GOLM2: variants seen among roughly 807,000 people sequenced by gnomAD.
The protein encoded by GOLM2 is golgi membrane protein 2.
A neutral mutation model predicts 55.9 loss-of-function variants in GOLM2; 26 were observed. The observed-to-expected ratio is 0.47, with a 90% confidence interval of 0.34 to 0.65. The LOEUF (loss-of-function observed/expected upper bound fraction) is 0.65. Among genes scored for constraint, GOLM2 ranks in the 30% least tolerant of loss-of-function variants. The pLI is 0.01. For synonymous variants in GOLM2, 165 were observed against 194.6 expected, an observed-to-expected ratio of 0.85 and a Z score of 1.27; for missense variants, 486 against 531.8, an observed-to-expected ratio of 0.91 and a Z score of 0.85.
At chr15:44,292,201 ATT>A (rs201767979) in intron 1 of GOLM2, among the ~76,000 whole-genome samples, 1,863 of 119,962 alleles carry the variant, frequency 0.016, 35 homozygotes, top group East Asian at 0.077. Flanking sequence ...ATATATATAT[ATT>A]TTTTTTTTTT....
At chr15:44,322,345 C>T (rs2078956319) in intron 1 of GOLM2, among the ~76,000 whole-genome samples, 2 of 152,112 alleles carry the variant, frequency 1.3e-5, no homozygotes, top group Non-Finnish European at 2.9e-5. Flanking sequence ...GCAGCCTGGG[C>T]GACAGAGTGA....
At chr15:44,399,538 CACCTAAAA>C (rs2079551229) in intron 8 of GOLM2, among the ~76,000 whole-genome samples, 1 of 152,094 alleles carries the variant, frequency 6.6e-6, no homozygotes, top group African/African-American at 2.4e-5. Context: ...GATCATCAAA[CACCTAAAA>C]AAAGGAAATT....
chr15:44,389,359 G>C (rs1028957248), intron 8 of GOLM2, among the ~76,000 whole-genome samples: 1 of 151,962 alleles, frequency 6.6e-6, no homozygotes, highest in South Asian at 2.1e-4. Flanking sequence ...GCAGAACCCT[G>C]TCTCTACTGA....
At chr15:44,325,288 A>G (rs2078973965) in intron 2 of GOLM2, among the ~76,000 whole-genome samples, 1 of 152,238 alleles carries the variant, frequency 6.6e-6, no homozygotes, top group South Asian at 2.1e-4. Flanking sequence ...GTATTCAAAT[A>G]GGAAATAATC....
chr15:44,393,264 T>C lies in GOLM2; in HGVS notation c.1073-9623T>C, dbSNP rs2079503726. ...TTTAAAAAGAAACTTTTTAATAGCA[T>C]AAAAAGACATCAGATACCTTGAAAA... On this transcript the variant is annotated intron_variant, in intron 8 of 9. Transcript: ENST00000299957. 2.0e-5 allele frequency among the ~76,000 whole-genome samples: 3 copies of C among 152,134 alleles called. No individual in the cohort carries two copies. The South Asian group carries it at 6.2e-4, about 31-fold the overall frequency.
chr15:44,295,452 C>T (rs2078749976), intron 1 of GOLM2, among the ~76,000 whole-genome samples: 1 of 152,202 alleles, frequency 6.6e-6, no homozygotes, highest in South Asian at 2.1e-4. Flanking sequence ...ACAACCCCCA[C>T]TTCTCTGAGA....
intron 6 of GOLM2, among the ~76,000 whole-genome samples, chr15:44,366,089 A>G (rs2079281685): frequency 6.6e-6 from 1 of 151,720 alleles, no homozygotes; most frequent in South Asian, 2.1e-4. Flanking sequence ...CGAGGTCAGG[A>G]GATCGCGACC....
chr15:44,324,087 G>A (rs909068647), intron 2 of GOLM2, among the ~76,000 whole-genome samples: 3 of 152,206 alleles, frequency 2.0e-5, no homozygotes, highest in African/African-American at 7.2e-5. Context: ...CACAGTGTCA[G>A]TGCTGCTTCC....
intron 6 of GOLM2, among the ~76,000 whole-genome samples, chr15:44,360,336 C>A (rs1451338553): frequency 6.6e-6 from 1 of 151,906 alleles, no homozygotes; most frequent in Non-Finnish European, 1.5e-5. Context: ...CACATAGGCT[C>A]AAAATAGAAG....
chr15:44,410,344 T>C (rs893882567), intron 9 of GOLM2, among the ~76,000 whole-genome samples: 2 of 152,206 alleles, frequency 1.3e-5, no homozygotes, highest in East Asian at 1.9e-4. Context: ...GGCAGGAGAA[T>C]GGCGCGAACC....
intron 1 of GOLM2, chr15:44,308,217 C>T (rs1449613949): frequency 1.5e-4 from 23 of 152,168 alleles, no homozygotes; most frequent in Non-Finnish European, 1.5e-5. Flanking sequence ...AGCAGTAATT[C>T]CCATTGCCCT....
At chr15:44,305,124 C>A (rs112404420) in intron 1 of GOLM2, among the ~76,000 whole-genome samples, 2 of 152,104 alleles carry the variant, frequency 1.3e-5, no homozygotes. Context: ...TCTCAGCCTT[C>A]CGAGTAGCTG....
rs950482772 is a variant in GOLM2, at chr15:44,413,613, G to A, written c.*207G>A. 3 of 439,562 alleles carry A rather than the reference G, an allele frequency of 6.8e-6. No individual in the cohort carries two copies. The highest frequency in any genetic ancestry group is 6.1e-5 in the African/African-American group (3 of 48,850). 27.2% of individuals were successfully genotyped at this position (439,562 alleles called of 1,614,324 possible). On this transcript the variant is annotated 3_prime_UTR_variant, in exon 10 of 10. Transcript: ENST00000299957. ...TATTATCAAGGTATAGACTTTTTTG[G>A]TTATGATACAGTTAAGCCAAAAACA...
chr15:44,384,773 G>T (rs1333402737), intron 8 of GOLM2, among the ~76,000 whole-genome samples: 1 of 151,796 alleles, frequency 6.6e-6, no homozygotes, highest in Non-Finnish European at 1.5e-5. Context: ...GCTGGGCGTG[G>T]TGGCGCATGC....
At chr15:44,399,328 T>C (rs975461775) in intron 8 of GOLM2, among the ~76,000 whole-genome samples, 2 of 152,232 alleles carry the variant, frequency 1.3e-5, no homozygotes, top group Admixed American at 1.3e-4. Context: ...CAACTTTTGT[T>C]GTCTGTGAAA....
Position 44,337,798 on chromosome 15 carries a change from G to T in GOLM2, c.612G>T (p.Lys204Asn). Reference sequence around the variant, plus strand: ...AAAAGATTCAATCAAATGATGGAAAGGAATTGGATATAAACAATCAAGTAG... The same window carrying T: ...AAAAGATTCAATCAAATGATGGAAATGAATTGGATATAAACAATCAAGTAG... The part of the protein sequence containing the change: ...ETQKIQSNDG[K>N]ELDINNQVVP... The change falls in exon 5 of 10, where the codon AAG becomes AAT. Residue 204 changes from lysine (K) to asparagine (N), a missense_variant. Transcript: ENST00000299957. 3 of 1,587,646 alleles carry T rather than the reference G, an allele frequency of 1.9e-6. No homozygotes were observed. The highest frequency in any genetic ancestry group is 2.6e-6 in the Non-Finnish European group (3 of 1,172,870).
chr15:44,395,638 A>G (rs957532072), intron 8 of GOLM2, among the ~76,000 whole-genome samples: 7 of 151,720 alleles, frequency 4.6e-5, no homozygotes, highest in Non-Finnish European at 8.8e-5. Context: ...TCAAAAGATC[A>G]AGACCATCCT....
intron 6 of GOLM2, among the ~76,000 whole-genome samples, chr15:44,344,201 A>G (rs1456679868): frequency 6.6e-6 from 1 of 151,458 alleles, no homozygotes; most frequent in South Asian, 2.1e-4. Context: ...CGGAGGCTTC[A>G]GTGAGCAGAG....
At chr15:44,370,103 G>T (rs961749948) in intron 6 of GOLM2, among the ~76,000 whole-genome samples, 6 of 152,092 alleles carry the variant, frequency 3.9e-5, no homozygotes, top group Non-Finnish European at 8.8e-5. Context: ...TTTTATATTC[G>T]CTGGTAGTTG....
Sources: allele counts gnomAD v4.1 joint callset (sites outside exome capture counted in the v4.1 genomes callset), GRCh38; gene constraint gnomAD v4.1.1; transcripts MANE v1.5; gene names NCBI Gene and HGNC (gene_info 2026-07-23, HGNC 2026-07-21).